Variants in OPA1 observed in about 807,000 individuals in gnomAD.
OPA1 encodes the protein dynamin-like GTPase OPA1, mitochondrial.
In OPA1, 59 loss-of-function variants were observed where a neutral mutation model predicts 152.9. The observed-to-expected ratio is 0.39, with a 90% confidence interval of 0.31 to 0.48. OPA1 has a LOEUF of 0.48. OPA1 is among the 20% of genes least tolerant of loss of function. The pLI is 0.96. For synonymous variants in OPA1, 400 were observed against 389.9 expected (o/e 1.03, Z -0.31); for missense variants, 1,008 against 1,216.8 (o/e 0.83, Z 2.55).
At chr3:193,676,972 C>T (rs1220972016) in intron 29 of OPA1, among the ~76,000 whole-genome samples, 1 of 98,530 alleles carries the variant, frequency 1.0e-5, no homozygotes, top group Non-Finnish European at 1.9e-5. Context: ...CAGAGCAAGA[C>T]TCGTCTCAAA....
intron 6 of OPA1, among the ~76,000 whole-genome samples, chr3:193,622,789 G>A (rs752385176): frequency 7.2e-5 from 11 of 152,116 alleles, no homozygotes; most frequent in Non-Finnish European, 1.3e-4. Context: ...GAGCACCTGG[G>A]ATAGTCTTGT....
intron 29 of OPA1, among the ~76,000 whole-genome samples, chr3:193,679,481 G>A (rs916329380): frequency 2.6e-5 from 4 of 152,052 alleles, no homozygotes; most frequent in African/African-American, 9.7e-5. Context: ...GTCATATGAG[G>A]CATTATGCCC....
intron 22 of OPA1, among the ~76,000 whole-genome samples, chr3:193,655,927 G>A (rs895354091): frequency 5.9e-5 from 9 of 151,998 alleles, no homozygotes; most frequent in African/African-American, 1.7e-4. Context: ...CTAATTATTC[G>A]GATGTGATTT....
chr3:193,595,806 C>G (rs1313628346), intron 1 of OPA1, among the ~76,000 whole-genome samples: 1 of 151,820 alleles, frequency 6.6e-6, no homozygotes, highest in African/African-American at 2.4e-5. Flanking sequence ...TTTCATTTTT[C>G]CTGTCCTTTT....
intron 1 of OPA1, among the ~76,000 whole-genome samples, chr3:193,604,686 C>T (rs185906902): frequency 6.6e-6 from 1 of 151,496 alleles, no homozygotes; most frequent in East Asian, 2.0e-4. Flanking sequence ...CATGGAGAAA[C>T]CCTGTCTCTA....
Position 193,618,826 on chromosome 3 carries a change from G to A in OPA1, c.611-43G>A, listed in dbSNP as rs185914758. 9 of 1,477,504 alleles carry A rather than the reference G, an allele frequency of 6.1e-6. No homozygotes were observed. In the African/African-American group the frequency reaches 8.3e-5, roughly 14 times the overall value. 91.5% of individuals were successfully genotyped at this position (1,477,504 alleles called of 1,614,324 possible). A position where few individuals can be genotyped will look rare whatever the true frequency, so the allele number is the denominator to read the frequency against. ...AATTTGAAATTCAGCTTAGGCTGTT[G>A]ACATCACTGGAGAATGTAAAGGGTT... On this transcript the variant is annotated intron_variant, in intron 5 of 30. Coordinates refer to ENST00000361510, the MANE Select transcript of OPA1 (RefSeq NM_130837.3).
At chr3:193,619,791 C>G (rs1448825199) in intron 6 of OPA1, 1 of 151,964 alleles carries the variant, frequency 6.6e-6, no homozygotes, top group Admixed American at 6.6e-5. Context: ...TTTAATACAT[C>G]AAAGAAATAA....
chr3:193,664,764 T>C, intron 26 of OPA1, 116 bp from the exon 27 acceptor site: 1 of 692,500 alleles, frequency 1.4e-6, no homozygotes, highest in Non-Finnish European at 2.6e-6. Flanking sequence ...AGAATAACCT[T>C]GCTTTTGCTT....
At position 193,695,852 on chromosome 3, in the gene OPA1, T is replaced by G. The variant is rs1465525388; in HGVS notation, c.*1252T>G. 1.3e-5 allele frequency: 2 copies of G among 152,200 alleles called. No homozygotes were observed. Among genetic ancestry groups the G allele is most frequent in the African/African-American group, 4.8e-5 (2 of 41,438 alleles). The allele number at this position is 152,200 out of a possible 1,614,324, so 9.4% of individuals were successfully genotyped here. A position where few individuals can be genotyped will look rare whatever the true frequency, so the allele number is the denominator to read the frequency against. ...CTACTCCCCATTTTATTGTTTTACA[T>G]CAATGCATGCTTCGTTGTGATCCCT... On this transcript the variant is annotated 3_prime_UTR_variant, in exon 31 of 31. Coordinates refer to ENST00000361510, the MANE Select transcript of OPA1 (RefSeq NM_130837.3).
intron 6 of OPA1, among the ~76,000 whole-genome samples, chr3:193,621,061 C>G (rs1729970014): frequency 6.6e-6 from 1 of 152,176 alleles, no homozygotes; most frequent in South Asian, 2.1e-4. Flanking sequence ...CAGATTTAAA[C>G]AGTATTTAGA....
At position 193,622,750 on chromosome 3, in the gene OPA1, G is replaced by T. The variant is rs75730822; in HGVS notation, c.679-3342G>T. Among the ~76,000 whole-genome samples, 697 of 152,180 alleles carry T rather than the reference G, an allele frequency of 4.6e-3. 20 individuals are homozygous for T. In the East Asian group the frequency reaches 0.1, roughly 22 times the overall value. On this transcript the variant is annotated intron_variant, in intron 6 of 30. Transcript: ENST00000361510. ...GGCTTACATTCTTACTATCTAATCG[G>T]CCATTTCTGTTACTAAATCTTTTTC...
chr3:193,645,035 C>A (rs575544409), intron 16 of OPA1, among the ~76,000 whole-genome samples: 3 of 149,342 alleles, frequency 2.0e-5, no homozygotes, highest in African/African-American at 2.5e-5. Context: ...GATTTTTGAT[C>A]CTAAAAGAGT....
Position 193,670,644 on chromosome 3 carries a change from G to A in OPA1, c.2983+3364G>A, listed in dbSNP as rs545673313. ...GCCTCCCAAAGTGCTGGAATTATAGGCATGAGCCACCATGCCCAGCCCTGA... is the reference window on the plus strand; with the variant it reads ...GCCTCCCAAAGTGCTGGAATTATAGACATGAGCCACCATGCCCAGCCCTGA... On this transcript the variant is annotated intron_variant, in intron 29 of 30. Coordinates refer to ENST00000361510, the MANE Select transcript of OPA1 (RefSeq NM_130837.3). 2.6e-5 allele frequency among the ~76,000 whole-genome samples: 4 copies of A among 152,210 alleles called. No individual in the cohort carries two copies. The South Asian group carries it at 8.3e-4, about 32-fold the overall frequency.
At chr3:193,691,870 A>G in intron 29 of OPA1, 193 bp from the exon 30 acceptor site, 3 of 519,076 alleles carry the variant, frequency 5.8e-6, no homozygotes, top group East Asian at 6.4e-5. Context: ...CTCTCCTCCC[A>G]CTTCCAAAAA....
intron 8 of OPA1, 144 bp from the exon 9 acceptor site, chr3:193,635,274 A>C (rs1732758404): frequency 3.5e-6 from 2 of 567,846 alleles, no homozygotes; most frequent in Non-Finnish European, 6.3e-6. Flanking sequence ...TTTTATTCCT[A>C]ATGTTTTCGT....
chr3:193,615,163 C>G, intron 2 of OPA1, 122 bp downstream of exon 2: 2 of 793,634 alleles, frequency 2.5e-6, no homozygotes. Flanking sequence ...GTGTCTCTAC[C>G]ATGGACTAGA....
Position 193,681,534 on chromosome 3 carries a change from G to C in OPA1, c.2984-10529G>C, listed in dbSNP as rs189524550. Among the ~76,000 whole-genome samples, 45 of 152,262 alleles carry C rather than the reference G, an allele frequency of 3.0e-4. No individual in the cohort carries two copies. In the East Asian group the frequency reaches 8.5e-3, roughly 29 times the overall value. ...CAAAGTGCATGCTCAAGGGTTCTAC[G>C]TACAGGCAGACCTCATTGTATTGCA... On this transcript the variant is annotated intron_variant, in intron 29 of 30. Coordinates refer to ENST00000361510, the MANE Select transcript of OPA1 (RefSeq NM_130837.3).
chr3:193,654,491 C>A (rs945513009), intron 21 of OPA1, among the ~76,000 whole-genome samples: 21 of 146,676 alleles, frequency 1.4e-4, no homozygotes, highest in Admixed American at 1.3e-3. Context: ...CTAAGCAAGA[C>A]CCTGTCTCAA....
At chr3:193,597,972 A>C (rs1725874517) in intron 1 of OPA1, among the ~76,000 whole-genome samples, 1 of 152,228 alleles carries the variant, frequency 6.6e-6, no homozygotes. Context: ...CCAGCTATTT[A>C]TGAAGCTGAG....
Sources: allele counts gnomAD v4.1 joint callset (sites outside exome capture counted in the v4.1 genomes callset), GRCh38; gene constraint gnomAD v4.1.1; transcripts MANE v1.5; gene names NCBI Gene and HGNC (gene_info 2026-07-23, HGNC 2026-07-21).